SGMS1: variants seen among roughly 807,000 people sequenced by gnomAD.
SGMS1 encodes sphingomyelin synthase 1, also known as phosphatidylcholine:ceramide cholinephosphotransferase 1.
In SGMS1, 13 loss-of-function variants were observed where a neutral mutation model predicts 46.2. That is an observed-to-expected ratio of 0.28 (90% confidence interval 0.18 to 0.45). The LOEUF (loss-of-function observed/expected upper bound fraction) is 0.45, where lower values mean the gene tolerates loss of function less well. Among genes scored for constraint, SGMS1 ranks in the 20% least tolerant of loss-of-function variants. The pLI is 1.00. For missense variants in SGMS1, 324 were observed against 519.9 expected, an observed-to-expected ratio of 0.62 and a Z score of 3.66; for synonymous variants, 203 against 187.8, an observed-to-expected ratio of 1.08 and a Z score of -0.66.
rs1051338410 is a variant in SGMS1 at position 50,307,423 on chromosome 10, C to T, written c.1063-102G>A. On this transcript the variant is annotated intron_variant, in intron 10 of 10. Coordinates refer to ENST00000361781, the MANE Select transcript of SGMS1 (RefSeq NM_147156.4). The surrounding 1 kb of genome is among the most constrained non-coding windows in gnomAD (Gnocchi z 4.2). Reference sequence around the variant, plus strand: ...CCCAAAGGACTCCATACCTGCCCTGCGTGTCCACCCACATATCCCAGCTTC... The same window carrying T: ...CCCAAAGGACTCCATACCTGCCCTGTGTGTCCACCCACATATCCCAGCTTC... 2.6e-5 allele frequency: 24 copies of T among 920,152 alleles called. No homozygotes were observed. The highest frequency in any genetic ancestry group is 4.7e-5 in the Admixed American group (2 of 42,888). 57.0% of individuals were successfully genotyped at this position (920,152 alleles called of 1,614,324 possible).
intron 7 of SGMS1, chr10:50,335,036 A>G (rs1163427247): frequency 1.3e-5 from 2 of 152,226 alleles, no homozygotes; most frequent in African/African-American, 4.8e-5. Flanking sequence ...AGGACCTCGT[A>G]GGTCACCATA....
intron 2 of SGMS1, among the ~76,000 whole-genome samples, chr10:50,523,547 C>T (rs930476248): frequency 6.6e-6 from 1 of 152,200 alleles, no homozygotes; most frequent in Non-Finnish European, 1.5e-5. Flanking sequence ...AACTCTTCCT[C>T]CTACTGGCAT....
chr10:50,353,738 A>G (rs1379032789), intron 6 of SGMS1, among the ~76,000 whole-genome samples: 1 of 152,288 alleles, frequency 6.6e-6, no homozygotes, highest in Non-Finnish European at 1.5e-5. Context: ...AACTTCAGCA[A>G]AGTCTCAGGA....
chr10:50,595,853 G>C (rs1838586927), intron 1 of SGMS1, among the ~76,000 whole-genome samples: 1 of 152,198 alleles, frequency 6.6e-6, no homozygotes, highest in Middle Eastern at 3.2e-3. Flanking sequence ...GTGCCGATAA[G>C]AGCAGAGGAC....
intron 6 of SGMS1, among the ~76,000 whole-genome samples, chr10:50,393,185 C>T (rs1032395189): frequency 5.3e-5 from 8 of 152,098 alleles, no homozygotes; most frequent in African/African-American, 1.9e-4. Flanking sequence ...CCCATGCATA[C>T]AGCATTCCTT....
At chr10:50,369,198 C>G (rs540434576) in intron 6 of SGMS1, among the ~76,000 whole-genome samples, 1 of 152,272 alleles carries the variant, frequency 6.6e-6, no homozygotes, top group Non-Finnish European at 1.5e-5. Context: ...AAGAAAAAGA[C>G]TTTACACAAA....
At chr10:50,623,622 G>A (rs2131954221) in intron 1 of SGMS1, 85 bp downstream of exon 1, 1 of 985,298 alleles carries the variant, frequency 1.0e-6, no homozygotes, top group South Asian at 4.7e-5. Flanking sequence ...GCTGCTCCCC[G>A]GCATAAGGCC....
chr10:50,528,301 C>T (rs1163444611), intron 2 of SGMS1, among the ~76,000 whole-genome samples: 2 of 152,176 alleles, frequency 1.3e-5, no homozygotes, highest in African/African-American at 2.4e-5. Context: ...TGAGGGACGA[C>T]TCTGTCCTCA....
At chr10:50,426,755 TCAGA>T (rs1211115195) in intron 6 of SGMS1, among the ~76,000 whole-genome samples, 1 of 152,156 alleles carries the variant, frequency 6.6e-6, no homozygotes, top group African/African-American at 2.4e-5. Flanking sequence ...AAACCACTAG[TCAGA>T]CAGACCTCTA....
intron 6 of SGMS1, among the ~76,000 whole-genome samples, chr10:50,383,618 T>C (rs1037712473): frequency 2.0e-5 from 3 of 152,134 alleles, no homozygotes; most frequent in Non-Finnish European, 2.9e-5. Flanking sequence ...AATGACTAGT[T>C]TCATTTTCCT....
intron 2 of SGMS1, among the ~76,000 whole-genome samples, chr10:50,532,163 G>T (rs1162293579): frequency 6.6e-6 from 1 of 151,450 alleles, no homozygotes; most frequent in Non-Finnish European, 1.5e-5. Context: ...TTCTTATTCA[G>T]TTCCCAGAGA....
chr10:50,594,417 C>T (rs1384499438), intron 1 of SGMS1, among the ~76,000 whole-genome samples: 2 of 152,190 alleles, frequency 1.3e-5, no homozygotes, highest in African/African-American at 4.8e-5. Flanking sequence ...AATTCACATG[C>T]AACCCAGCCA....
At chr10:50,573,024 A>G (rs1838349391) in intron 2 of SGMS1, among the ~76,000 whole-genome samples, 1 of 152,216 alleles carries the variant, frequency 6.6e-6, no homozygotes. Context: ...AGCATCTAAC[A>G]AAATTCAACA....
chr10:50,345,077 C>A (rs1241011168), intron 6 of SGMS1, among the ~76,000 whole-genome samples: 1 of 151,828 alleles, frequency 6.6e-6, no homozygotes, highest in Non-Finnish European at 1.5e-5. Context: ...CAGCAACTCA[C>A]AGAATTGCTG....
At chr10:50,416,924 C>G (rs1849178470) in intron 6 of SGMS1, among the ~76,000 whole-genome samples, 2 of 150,080 alleles carry the variant, frequency 1.3e-5, no homozygotes, top group African/African-American at 4.9e-5. Context: ...TTCTTCCTCT[C>G]TCCATGACAG....
chr10:50,604,102 A>T (rs1462601292), intron 1 of SGMS1, among the ~76,000 whole-genome samples: 1 of 152,146 alleles, frequency 6.6e-6, no homozygotes, highest in East Asian at 1.9e-4. Context: ...ACGGCACTGT[A>T]CACTTTGCTT....
At position 50,492,729 on chromosome 10, in the gene SGMS1, C is replaced by T. The variant is rs1837577202; in HGVS notation, c.-497-25797G>A. On this transcript the variant is annotated intron_variant, in intron 3 of 10. Transcript: ENST00000361781. ...AATATTGTTATAATGGCCATACTGC[C>T]CAAACCAATCTGATTCAATGCTTTC... 2.6e-5 allele frequency among the ~76,000 whole-genome samples: 4 copies of T among 152,100 alleles called. No homozygotes were observed. The South Asian group carries it at 8.3e-4, about 32-fold the overall frequency.
chr10:50,557,236 AT>A (rs1183304085), intron 2 of SGMS1, among the ~76,000 whole-genome samples: 2 of 152,186 alleles, frequency 1.3e-5, no homozygotes, highest in African/African-American at 4.8e-5. Context: ...TTATTAAATA[AT>A]TTTTTAGATA....
intron 3 of SGMS1, among the ~76,000 whole-genome samples, chr10:50,497,887 C>T (rs948354918): frequency 6.6e-6 from 1 of 152,152 alleles, no homozygotes; most frequent in African/African-American, 2.4e-5. Context: ...AAATGCATGA[C>T]TTTCAGTTAG....
Sources: allele counts gnomAD v4.1 joint callset (sites outside exome capture counted in the v4.1 genomes callset), GRCh38; gene constraint gnomAD v4.1.1; non-coding constraint Gnocchi (gnomAD v3.1); transcripts MANE v1.5; gene names NCBI Gene and HGNC (gene_info 2026-07-23, HGNC 2026-07-21).